The following TBC1D4 variants were observed in gnomAD, a reference collection of about 807,000 sequenced individuals.
TBC1D4 encodes the protein TBC1 domain family member 4, also known as TBC (Tre-2, BUB2, CDC16) domain-containing protein.
In TBC1D4, 121 loss-of-function variants were observed where a neutral mutation model predicts 142.5. The observed-to-expected ratio is 0.85, with a 90% CI of 0.73 to 0.99. TBC1D4 has a LOEUF of 0.99. TBC1D4 is among the 50% of genes least tolerant of loss of function. The probability of loss-of-function intolerance (pLI) is 0.00; values close to 1 mark genes in which losing one functional copy is unlikely to be tolerated. For missense variants in TBC1D4, 1,475 were observed against 1,606.6 expected, an observed-to-expected ratio of 0.92 and a Z score of 1.40; for synonymous variants, 630 against 628.2, an observed-to-expected ratio of 1.00 and a Z score of -0.04.
rs551084708 is a variant in TBC1D4 at position 75,286,673 on chromosome 13, A to G, written c.*119T>C. The G allele has an allele frequency of 2.2e-5, 22 of 1,001,300 alleles. No homozygotes were observed. In the African/African-American group the frequency reaches 3.4e-4, roughly 15 times the overall value. The allele number at this position is 1,001,300 out of a possible 1,614,324, so 62.0% of individuals were successfully genotyped here. A position where few individuals can be genotyped will look rare whatever the true frequency, so the allele number is the denominator to read the frequency against. On this transcript the variant is annotated 3_prime_UTR_variant, in exon 21 of 21. Transcript: ENST00000377636. ...GTCCACCTGCTGTGACTAGGCGCTC[A>G]GCACCAGTATTAGGTGGTTCCATCA...
chr13:75,448,556 G>A (rs1407699969), intron 1 of TBC1D4, among the ~76,000 whole-genome samples: 10 of 135,998 alleles, frequency 7.4e-5, no homozygotes, highest in South Asian at 2.3e-4. Context: ...TAACAAGAGC[G>A]AAACTCCGTC....
Position 75,349,215 on chromosome 13 carries a change from C to T in TBC1D4, c.1363G>A (p.Ala455Thr). 1 of 1,614,028 alleles carries T rather than the reference C, an allele frequency of 6.2e-7. No individual in the cohort carries two copies. Among genetic ancestry groups the T allele is most frequent in the South Asian group, 1.1e-5 (1 of 91,084 alleles). ...TTATGCAAAGAGTGCATCGGGCAGGCCTCACACAGTTTAATCTGCGTCTTG... is the reference window on the plus strand; with the variant it reads ...TTATGCAAAGAGTGCATCGGGCAGGTCTCACACAGTTTAATCTGCGTCTTG... ...SAKTQIKLCE[A>T]CPMHSLHKLC... The change falls in exon 5 of 21, where the codon GCC (alanine) becomes ACC (threonine). Residue 455 changes from alanine (A) to threonine (T), a missense_variant. By Grantham distance (58) the Ala-to-Thr change is moderately conservative. Around this residue, in one of 2 missense-constraint regions of TBC1D4, gnomAD observed 1,227 missense variants for 1,267.7 expected, o/e 0.97. Coordinates refer to ENST00000377636, the MANE Select transcript of TBC1D4 (RefSeq NM_014832.5).
chr13:75,360,128 C>T (rs1405201362), intron 2 of TBC1D4, among the ~76,000 whole-genome samples: 1 of 152,026 alleles, frequency 6.6e-6, no homozygotes, highest in Non-Finnish European at 1.5e-5. Flanking sequence ...TTAGAAACAA[C>T]TGTCTTTTTA....
intron 1 of TBC1D4, among the ~76,000 whole-genome samples, chr13:75,379,456 T>C (rs1256588686): frequency 2.0e-5 from 3 of 152,230 alleles, no homozygotes; most frequent in South Asian, 2.1e-4. Flanking sequence ...ATATATTTTG[T>C]TCACCACTAA....
intron 1 of TBC1D4, among the ~76,000 whole-genome samples, chr13:75,378,225 T>C (rs1346983): frequency 0.23 from 35,307 of 152,040 alleles, 4,156 homozygotes; most frequent in East Asian, 0.34. Flanking sequence ...GTTTAAGTTA[T>C]TGAAAATTCT....
chr13:75,453,732 T>A (rs773198861), intron 1 of TBC1D4, among the ~76,000 whole-genome samples: 1 of 151,988 alleles, frequency 6.6e-6, no homozygotes, highest in East Asian at 1.9e-4. Flanking sequence ...GGTGGTGGCA[T>A]GTGCCTGTTA....
chr13:75,355,640 A>G (rs1881981423), intron 4 of TBC1D4, among the ~76,000 whole-genome samples: 1 of 152,220 alleles, frequency 6.6e-6, no homozygotes, highest in African/African-American at 2.4e-5. Flanking sequence ...ATTAAAGAGA[A>G]TTGACTTTTA....
At chr13:75,424,756 A>T (rs546504814) in intron 1 of TBC1D4, among the ~76,000 whole-genome samples, 1 of 152,244 alleles carries the variant, frequency 6.6e-6, no homozygotes, top group Non-Finnish European at 1.5e-5. Flanking sequence ...AAGAACACAT[A>T]ATGGGAATGG....
chr13:75,410,268 T>A (rs1347622926), intron 1 of TBC1D4, among the ~76,000 whole-genome samples: 1 of 152,212 alleles, frequency 6.6e-6, no homozygotes, highest in Admixed American at 6.5e-5. Context: ...GCTGTCAGTC[T>A]ACCGTCTGCT....
chr13:75,431,583 C>T (rs1164372566), intron 1 of TBC1D4, among the ~76,000 whole-genome samples: 1 of 152,160 alleles, frequency 6.6e-6, no homozygotes, highest in Non-Finnish European at 1.5e-5. Flanking sequence ...CTAAGGATCC[C>T]AACCTTTGGT....
At chr13:75,452,772 T>C (rs1887583850) in intron 1 of TBC1D4, among the ~76,000 whole-genome samples, 1 of 152,176 alleles carries the variant, frequency 6.6e-6, no homozygotes, top group Admixed American at 6.5e-5. Flanking sequence ...GAAGTAATTA[T>C]CTAGGTCACA....
intron 15 of TBC1D4, among the ~76,000 whole-genome samples, chr13:75,303,115 C>T (rs887276806): frequency 6.6e-5 from 10 of 152,104 alleles, no homozygotes; most frequent in African/African-American, 1.2e-4. Context: ...GTCAGGTGTT[C>T]ATTACCGGCC....
intron 5 of TBC1D4, among the ~76,000 whole-genome samples, chr13:75,345,657 C>T (rs778514141): frequency 6.6e-6 from 1 of 151,952 alleles, no homozygotes; most frequent in Non-Finnish European, 1.5e-5. Flanking sequence ...CTTTGGGAGG[C>T]CAAGGCGGGC....
chr13:75,477,505 T>C (rs1427621652), intron 1 of TBC1D4, among the ~76,000 whole-genome samples: 1 of 152,222 alleles, frequency 6.6e-6, no homozygotes, highest in Non-Finnish European at 1.5e-5. Context: ...TAAATGATTG[T>C]TCATCCTATA....
At chr13:75,453,590 G>A (rs1026993001) in intron 1 of TBC1D4, among the ~76,000 whole-genome samples, 1 of 152,126 alleles carries the variant, frequency 6.6e-6, no homozygotes, top group Non-Finnish European at 1.5e-5. Flanking sequence ...GGCTGGGCGC[G>A]GTGGCTCACA....
intron 1 of TBC1D4, among the ~76,000 whole-genome samples, chr13:75,467,014 G>A (rs78114994): frequency 0.053 from 7,992 of 151,856 alleles, 393 homozygotes; most frequent in East Asian, 0.23. Context: ...AAATCATAGC[G>A]AACAAGATTT....
At chr13:75,361,955 G>T in intron 2 of TBC1D4, 71 bp downstream of exon 2, 2 of 1,530,066 alleles carry the variant, frequency 1.3e-6, no homozygotes, top group Non-Finnish European at 1.8e-6. Context: ...GAGCTGGGAG[G>T]AACTGGATGC....
chr13:75,407,808 ACTCACAT>A (rs1379679920), intron 1 of TBC1D4, among the ~76,000 whole-genome samples: 1 of 151,980 alleles, frequency 6.6e-6, no homozygotes, highest in Non-Finnish European at 1.5e-5. Flanking sequence ...ACACTCCAGG[ACTCACAT>A]CTAAGACAGG....
chr13:75,474,282 G>C (rs552297958), intron 1 of TBC1D4, among the ~76,000 whole-genome samples: 3 of 152,166 alleles, frequency 2.0e-5, no homozygotes, highest in African/African-American at 7.2e-5. Flanking sequence ...AAAACTGGCC[G>C]GGCACAGTGG....
Sources: gnomAD v4.1 joint callset for allele counts (sites outside exome capture counted in the v4.1 genomes callset) on GRCh38, gnomAD v4.1.1 for gene constraint, gnomAD v4.1.1 regional missense constraint, MANE v1.5 for transcripts, NCBI Gene and HGNC (gene_info 2026-07-23, HGNC 2026-07-21) for gene names.